TMEM26: variants seen among roughly 807,000 people sequenced by gnomAD.
TMEM26 encodes the protein transmembrane protein 26.
Under a neutral mutation model 28.8 loss-of-function variants are expected in TMEM26, and 38 were observed. The ratio of observed to expected loss-of-function variants is 1.32; its 90% CI spans 1.02 to 1.73. The LOEUF is 1.73. TMEM26 is among the 40% of genes most tolerant of loss of function. The pLI, the probability that TMEM26 is intolerant of heterozygous loss-of-function variation, is 0.00. For synonymous variants in TMEM26, 227 were observed against 182.9 expected (o/e 1.24, Z -1.95); for missense variants, 518 against 447.1 (o/e 1.16, Z -1.43).
intron 5 of TMEM26, among the ~76,000 whole-genome samples, chr10:61,412,682 TAC>T (rs1469419271): frequency 1.3e-5 from 2 of 152,216 alleles, no homozygotes; most frequent in African/African-American, 4.8e-5. Flanking sequence ...TGTTCCATAT[TAC>T]TGCTGTCCAA....
At chr10:61,452,795 G>A in intron 1 of TMEM26, 96 bp downstream of exon 1, 1 of 1,430,348 alleles carries the variant, frequency 7.0e-7, no homozygotes, top group Non-Finnish European at 9.6e-7. Context: ...CCAAATTCGA[G>A]TAGAATCTGC....
chr10:61,413,678 A>C (rs1839606674), intron 4 of TMEM26, 143 bp from the exon 5 acceptor site: 2 of 1,341,998 alleles, frequency 1.5e-6, no homozygotes, highest in African/African-American at 1.5e-5. Flanking sequence ...CAATGAAAAA[A>C]ATCCTTACAT....
rs1015515533 is a variant in TMEM26, at chr10:61,412,086, A to C, written c.683-1340T>G. 2.6e-5 allele frequency among the ~76,000 whole-genome samples: 4 copies of C among 152,210 alleles called. No individual in the cohort carries two copies. In the East Asian group the frequency reaches 7.7e-4, roughly 29 times the overall value. On this transcript the variant is annotated intron_variant, in intron 5 of 5. Coordinates refer to ENST00000399298, the MANE Select transcript of TMEM26 (RefSeq NM_178505.8). ...CAAAAGAGAAACCAAGGTTATATCA[A>C]TGGTAGCCTTTCCTAAGAAATGAGG...
At chr10:61,424,932 T>C (rs1338559201) in intron 4 of TMEM26, among the ~76,000 whole-genome samples, 1 of 152,200 alleles carries the variant, frequency 6.6e-6, no homozygotes, top group Non-Finnish European at 1.5e-5. Context: ...ACAAAAATTA[T>C]GTAAAAACAG....
chr10:61,446,368 C>T (rs548480787), intron 1 of TMEM26, among the ~76,000 whole-genome samples: 1 of 152,248 alleles, frequency 6.6e-6, no homozygotes, highest in South Asian at 2.1e-4. Context: ...CACACATTCC[C>T]ACAAGCATAC....
At chr10:61,432,319 A>G (rs1839935390) in intron 2 of TMEM26, among the ~76,000 whole-genome samples, 2 of 152,188 alleles carry the variant, frequency 1.3e-5, no homozygotes, top group Non-Finnish European at 2.9e-5. Flanking sequence ...GGAAAATTCA[A>G]CAACAGACAT....
intron 4 of TMEM26, chr10:61,414,931 G>A: frequency 1.1e-6 from 1 of 950,856 alleles, no homozygotes; most frequent in Non-Finnish European, 1.3e-6. Flanking sequence ...AATATTCCAG[G>A]TGTGAATACT....
chr10:61,421,128 G>A (rs150153212), intron 4 of TMEM26, among the ~76,000 whole-genome samples: 88 of 152,138 alleles, frequency 5.8e-4, no homozygotes, highest in African/African-American at 2.1e-3. Flanking sequence ...AATTAAGTTA[G>A]TTTTACCCTA....
intron 1 of TMEM26, among the ~76,000 whole-genome samples, chr10:61,444,459 G>C (rs1019962817): frequency 6.6e-6 from 1 of 152,012 alleles, no homozygotes; most frequent in South Asian, 2.1e-4. Context: ...TAGGACGAAA[G>C]TTAAAATAGT....
chr10:61,451,128 C>T (rs890442685), intron 1 of TMEM26, among the ~76,000 whole-genome samples: 2 of 152,174 alleles, frequency 1.3e-5, no homozygotes, highest in Non-Finnish European at 2.9e-5. Context: ...AGTATATCCC[C>T]AGTTCCCTGT....
intron 4 of TMEM26, among the ~76,000 whole-genome samples, chr10:61,421,626 T>A (rs1839749306): frequency 6.6e-6 from 1 of 152,014 alleles, no homozygotes; most frequent in South Asian, 2.1e-4. Flanking sequence ...AGGGAGAAAC[T>A]GGAGTGATAT....
At position 61,452,978 on chromosome 10, in the gene TMEM26, C is replaced by T; in HGVS notation, c.104G>A (p.Arg35Gln). 6.2e-7 allele frequency: 1 copy of T among 1,614,066 alleles called. No homozygotes were observed. Among genetic ancestry groups the T allele is most frequent in the Non-Finnish European group, 8.5e-7 (1 of 1,180,028 alleles). Reference sequence around the variant, plus strand: ...GTTGAGCAGCGCAAGCAGCCAGTACCGCGGCTCCTTCTTCACCTCGGTCAC... The same window carrying T: ...GTTGAGCAGCGCAAGCAGCCAGTACTGCGGCTCCTTCTTCACCTCGGTCAC... ...WRVTEVKKEP[R>Q]YWLLALLNLL... Residue 35 changes from arginine to glutamine, a missense_variant, in exon 1 of 6, where the codon CGG becomes CAG. Coordinates refer to ENST00000399298, the MANE Select transcript of TMEM26 (RefSeq NM_178505.8).
chr10:61,417,833 A>G (rs780686124), intron 4 of TMEM26, among the ~76,000 whole-genome samples: 3 of 152,094 alleles, frequency 2.0e-5, no homozygotes, highest in Non-Finnish European at 2.9e-5. Context: ...AAATGTTGGA[A>G]GGTGGCTGTA....
intron 1 of TMEM26, among the ~76,000 whole-genome samples, chr10:61,437,661 T>G (rs767092136): frequency 6.6e-6 from 1 of 152,240 alleles, no homozygotes; most frequent in East Asian, 1.9e-4. Flanking sequence ...GGTCTGGGCC[T>G]GTAATCCCAC....
chr10:61,412,046 C>T lies in TMEM26; in HGVS notation c.683-1300G>A, dbSNP rs547025675. Among the ~76,000 whole-genome samples, 67 of 152,196 alleles carry T rather than the reference C, an allele frequency of 4.4e-4. No homozygotes were observed. The Middle Eastern group carries it at 0.017, about 39-fold the overall frequency. On this transcript the variant is annotated intron_variant, in intron 5 of 5. Transcript: ENST00000399298. ...CCACAAGATATGGGAGGGTGAGGAT[C>T]GGCAGAGTGAAAGACAAAAGAGAAA...
At chr10:61,445,567 A>G (rs1840166431) in intron 1 of TMEM26, among the ~76,000 whole-genome samples, 1 of 152,156 alleles carries the variant, frequency 6.6e-6, no homozygotes, top group Non-Finnish European at 1.5e-5. Flanking sequence ...AGAGAAAAGT[A>G]ACAAAATTGG....
At chr10:61,431,142 T>A (rs909385721) in intron 3 of TMEM26, 77 bp downstream of exon 3, 1 of 1,138,894 alleles carries the variant, frequency 8.8e-7, no homozygotes, top group African/African-American at 1.5e-5. Context: ...CTGGGAAGCA[T>A]GTATAGCAGG....
At chr10:61,412,038 G>T (rs1839576301) in intron 5 of TMEM26, among the ~76,000 whole-genome samples, 1 of 152,180 alleles carries the variant, frequency 6.6e-6, no homozygotes, top group Non-Finnish European at 1.5e-5. Context: ...ATATGGGAGG[G>T]TGAGGATCGG....
At position 61,408,543 on chromosome 10, in the gene TMEM26, A is replaced by G. The variant is rs1839524273; in HGVS notation, c.*1779T>C. 6.6e-6 allele frequency: 1 copy of G among 152,242 alleles called. No individual in the cohort carries two copies. Among genetic ancestry groups the G allele is most frequent in the Admixed American group, 6.5e-5 (1 of 15,288 alleles). 9.4% of individuals were successfully genotyped at this position (152,242 alleles called of 1,614,324 possible). On this transcript the variant is annotated 3_prime_UTR_variant, in exon 6 of 6. Transcript: ENST00000399298. ...GTTGTGGAAGAAAATATTCAACATA[A>G]AGCAGTCAACATAAAAACAGATTCT... is the stretch of plus-strand genomic sequence containing the variant.
Sources: allele counts gnomAD v4.1 joint callset (sites outside exome capture counted in the v4.1 genomes callset), GRCh38; gene constraint gnomAD v4.1.1; transcripts MANE v1.5; gene names NCBI Gene and HGNC (gene_info 2026-07-23, HGNC 2026-07-21).